Variants in FRMD5 observed in about 807,000 individuals in gnomAD.
The protein encoded by FRMD5 is FERM domain containing 5.
FRMD5 carries 20 observed loss-of-function variants against 69.0 expected under a neutral mutation model. The observed-to-expected ratio is 0.29, with a 90% CI of 0.20 to 0.42. The LOEUF (loss-of-function observed/expected upper bound fraction) is 0.42. Among genes scored for constraint, FRMD5 ranks in the 10% least tolerant of loss-of-function variants. The probability of loss-of-function intolerance (pLI) is 1.00; values close to 1 mark genes in which losing one functional copy is unlikely to be tolerated. For synonymous variants in FRMD5, 271 were observed against 260.1 expected (o/e 1.04, Z -0.40); for missense variants, 595 against 708.6 (o/e 0.84, Z 1.82).
chr15:44,134,115 C>A (rs192824237), intron 1 of FRMD5, among the ~76,000 whole-genome samples: 9 of 151,854 alleles, frequency 5.9e-5, no homozygotes, highest in African/African-American at 2.2e-4. Flanking sequence ...AAAAGACTGG[C>A]AAATACTTTG....
chr15:44,160,037 CTGA>C (rs2077589167), intron 1 of FRMD5, among the ~76,000 whole-genome samples: 1 of 152,170 alleles, frequency 6.6e-6, no homozygotes, highest in African/African-American at 2.4e-5. Context: ...GTAGCCACTG[CTGA>C]CATTTAGTTC....
chr15:44,132,324 G>C (rs1290307166), intron 1 of FRMD5, among the ~76,000 whole-genome samples: 2 of 152,188 alleles, frequency 1.3e-5, no homozygotes, highest in African/African-American at 2.4e-5. Context: ...TCCATGGCCC[G>C]TGGGTTGGGG....
At chr15:43,919,004 TC>T in intron 4 of FRMD5, 2 of 291,612 alleles carry the variant, frequency 6.9e-6, no homozygotes, top group Non-Finnish European at 1.4e-5. Context: ...ACAGAGTTTA[TC>T]CATTTTGATT....
At chr15:44,165,329 G>T (rs538380021) in intron 1 of FRMD5, among the ~76,000 whole-genome samples, 17 of 152,190 alleles carry the variant, frequency 1.1e-4, no homozygotes, top group Admixed American at 3.9e-4. Context: ...GGCCGATGCA[G>T]GAGGATTGCT....
At chr15:44,181,895 C>T (rs186467041) in intron 1 of FRMD5, among the ~76,000 whole-genome samples, 54 of 152,158 alleles carry the variant, frequency 3.5e-4, no homozygotes, top group Admixed American at 1.0e-3. Flanking sequence ...AGGGCAAGAC[C>T]GTGTCTCAAA....
chr15:44,174,046 C>T (rs1454677079), intron 1 of FRMD5, among the ~76,000 whole-genome samples: 1 of 151,902 alleles, frequency 6.6e-6, no homozygotes, highest in Non-Finnish European at 1.5e-5. Context: ...CCTCAAGTTT[C>T]CTGAGTTCAA....
chr15:43,871,444 A>G lies in FRMD5; in HGVS notation c.*2441T>C, dbSNP rs1284460989. On this transcript the variant is annotated 3_prime_UTR_variant, in exon 14 of 14. Transcript: ENST00000417257. ...ACTGCATAGAAACACCAGATTCTAC[A>G]AACTGAGGTAGGAGCACTACACTAA... is the stretch of plus-strand genomic sequence containing the variant. 2.6e-5 allele frequency: 4 copies of G among 152,260 alleles called. No homozygotes were observed. The East Asian group carries it at 5.8e-4, about 22-fold the overall frequency. The allele number at this position is 152,260 out of a possible 1,614,324, so 9.4% of individuals were successfully genotyped here. A position where few individuals can be genotyped will look rare whatever the true frequency, so the allele number is the denominator to read the frequency against.
intron 1 of FRMD5, among the ~76,000 whole-genome samples, chr15:44,188,961 A>C (rs2078148028): frequency 6.6e-6 from 1 of 152,088 alleles, no homozygotes; most frequent in Non-Finnish European, 1.5e-5. Context: ...TGAAAGCTAT[A>C]ATCACTGTCA....
intron 1 of FRMD5, among the ~76,000 whole-genome samples, chr15:44,079,691 C>A (rs1893918600): frequency 6.6e-6 from 1 of 151,912 alleles, no homozygotes; most frequent in African/African-American, 2.4e-5. Context: ...TCACAATAGG[C>A]AAATAGTGGA....
chr15:44,035,397 G>A (rs1891861826), intron 1 of FRMD5, among the ~76,000 whole-genome samples: 1 of 152,146 alleles, frequency 6.6e-6, no homozygotes, highest in Non-Finnish European at 1.5e-5. Flanking sequence ...TCTCCTAAGT[G>A]TTACTCTGGT....
intron 1 of FRMD5, among the ~76,000 whole-genome samples, chr15:44,023,596 G>C (rs963195424): frequency 6.6e-6 from 1 of 152,242 alleles, no homozygotes; most frequent in South Asian, 2.1e-4. Flanking sequence ...AAAAACTGTA[G>C]AGTGTATTTT....
intron 1 of FRMD5, among the ~76,000 whole-genome samples, chr15:43,950,035 G>A (rs533941007): frequency 6.6e-6 from 1 of 152,328 alleles, no homozygotes; most frequent in East Asian, 1.9e-4. Context: ...TTCTTGAACT[G>A]CTTCCTTCTT....
intron 1 of FRMD5, among the ~76,000 whole-genome samples, chr15:43,957,514 T>C (rs1448551829): frequency 1.3e-5 from 2 of 152,246 alleles, no homozygotes; most frequent in African/African-American, 4.8e-5. Flanking sequence ...AATTTCTAGT[T>C]AGTTAGGTGG....
At chr15:43,885,315 G>A (rs1471488982) in intron 11 of FRMD5, among the ~76,000 whole-genome samples, 1 of 152,132 alleles carries the variant, frequency 6.6e-6, no homozygotes, top group Non-Finnish European at 1.5e-5. Flanking sequence ...TGGGACTACA[G>A]GTGTGTGCCA....
intron 7 of FRMD5, among the ~76,000 whole-genome samples, chr15:43,894,280 G>A (rs773734257): frequency 6.6e-6 from 1 of 151,494 alleles, no homozygotes; most frequent in South Asian, 2.1e-4. Flanking sequence ...GAGGCAGCCT[G>A]CCTGTTCTGT....
At chr15:44,164,666 C>G (rs2077678925) in intron 1 of FRMD5, among the ~76,000 whole-genome samples, 1 of 152,192 alleles carries the variant, frequency 6.6e-6, no homozygotes, top group African/African-American at 2.4e-5. Context: ...ACTGAAAATA[C>G]CAGATACCTA....
chr15:44,105,445 A>G (rs1037504194), intron 1 of FRMD5, among the ~76,000 whole-genome samples: 12 of 152,196 alleles, frequency 7.9e-5, no homozygotes, highest in Non-Finnish European at 1.3e-4. Context: ...GTGCCATCCT[A>G]GAAGCAGAGT....
At chr15:44,055,983 C>A (rs1892856058) in intron 1 of FRMD5, among the ~76,000 whole-genome samples, 1 of 152,236 alleles carries the variant, frequency 6.6e-6, no homozygotes, top group African/African-American at 2.4e-5. Flanking sequence ...TATCCTGGTA[C>A]TTCTTCCCAT....
chr15:43,955,448 A>G (rs1478405359), intron 1 of FRMD5, among the ~76,000 whole-genome samples: 2 of 152,250 alleles, frequency 1.3e-5, no homozygotes, highest in Non-Finnish European at 2.9e-5. Context: ...CATTTGGCCA[A>G]TAAAAGAAAG....
Sources: allele counts gnomAD v4.1 joint callset (sites outside exome capture counted in the v4.1 genomes callset), GRCh38; gene constraint gnomAD v4.1.1; transcripts MANE v1.5; gene names NCBI Gene and HGNC (gene_info 2026-07-23, HGNC 2026-07-21).